Variants in ZGRF1 observed in about 807,000 individuals in gnomAD.
The protein encoded by ZGRF1 is zinc finger GRF-type containing 1.
A neutral mutation model predicts 203.5 loss-of-function variants in ZGRF1; 196 were observed. The ratio of observed to expected loss-of-function variants is 0.96; its 90% CI spans 0.86 to 1.08. The LOEUF (loss-of-function observed/expected upper bound fraction) is 1.08. Among genes scored for constraint, ZGRF1 ranks in the 50% least tolerant of loss-of-function variants. The pLI is 0.00. For missense variants in ZGRF1, 2,326 were observed against 2,416.3 expected, an observed-to-expected ratio of 0.96 and a Z score of 0.78; for synonymous variants, 809 against 841.3, an observed-to-expected ratio of 0.96 and a Z score of 0.66.
intron 27 of ZGRF1, 27 bp downstream of exon 27, chr4:112,539,836 C>A: frequency 6.2e-7 from 1 of 1,609,532 alleles, no homozygotes; most frequent in Non-Finnish European, 8.5e-7. Context: ...ACTTGAAATG[C>A]ATGAATTAAA....
chr4:112,600,009 A>G (rs1749682877), intron 10 of ZGRF1, among the ~76,000 whole-genome samples: 1 of 152,188 alleles, frequency 6.6e-6, no homozygotes, highest in African/African-American at 2.4e-5. Flanking sequence ...GTACAAGATA[A>G]TATGAGAGAA....
In ZGRF1 at chr4:112,619,972, T is replaced by C. The variant is rs781324575; in HGVS notation, c.351+30A>G. ...TCGAGACAATTTTATAAATATATTT[T>C]GATATATTATTTTCCATAGCAAAAC... On this transcript the variant is annotated intron_variant, in intron 5 of 27. Coordinates refer to ENST00000505019, the MANE Select transcript of ZGRF1 (RefSeq NM_018392.5). The C allele has an allele frequency of 6.8e-6, 10 of 1,473,610 alleles. No individual in the cohort carries two copies. The East Asian group carries it at 1.2e-4, about 18-fold the overall frequency. 91.3% of individuals were successfully genotyped at this position (1,473,610 alleles called of 1,614,324 possible). A position where few individuals can be genotyped will look rare whatever the true frequency, so the allele number is the denominator to read the frequency against.
chr4:112,560,288 A>C (rs1741717819), intron 19 of ZGRF1, among the ~76,000 whole-genome samples: 1 of 152,222 alleles, frequency 6.6e-6, no homozygotes, highest in Admixed American at 6.5e-5. Context: ...CAGGATATTG[A>C]AAGCAGTTTC....
intron 24 of ZGRF1, among the ~76,000 whole-genome samples, chr4:112,546,346 A>C (rs1434667548): frequency 6.6e-6 from 1 of 152,230 alleles, no homozygotes; most frequent in East Asian, 1.9e-4. Context: ...GTGGTTACAC[A>C]AGAAACTGTG....
At position 112,569,752 on chromosome 4, in the gene ZGRF1, G is replaced by A. The variant is rs115717198; in HGVS notation, c.4439-6478C>T. Among the ~76,000 whole-genome samples the A allele has an allele frequency of 5.3e-3, 798 of 151,864 alleles. 2 individuals are homozygous for A. Among genetic ancestry groups the A allele is most frequent in the Non-Finnish European group, 8.9e-3 (605 of 67,982 alleles). On this transcript the variant is annotated intron_variant, in intron 16 of 27. Transcript: ENST00000505019. ...AATTACTATAATAAATTCAACTATC[G>A]GGCTTATTCTATTTACAAGTCACGT...
At chr4:112,586,376 T>G in intron 13 of ZGRF1, 69 bp downstream of exon 13, 1 of 1,234,580 alleles carries the variant, frequency 8.1e-7, no homozygotes, top group Non-Finnish European at 1.1e-6. Flanking sequence ...TATAATGTAT[T>G]AAATTCTCAC....
chr4:112,625,118 T>A (rs2047188791), intron 3 of ZGRF1, among the ~76,000 whole-genome samples: 1 of 152,044 alleles, frequency 6.6e-6, no homozygotes, highest in Non-Finnish European at 1.5e-5. Flanking sequence ...CAAGACTCTA[T>A]CTCTAAAAAA....
At chr4:112,592,096 C>CTTT (rs961223953) in intron 10 of ZGRF1, among the ~76,000 whole-genome samples, 15 of 128,564 alleles carry the variant, frequency 1.2e-4, no homozygotes, top group Non-Finnish European at 1.5e-4. Context: ...CTCATTCATT[C>CTTT]TTTTTTTTTT....
chr4:112,618,620 T>A lies in ZGRF1; in HGVS notation c.1422A>T (p.Gln474His). 6.2e-7 allele frequency: 1 copy of A among 1,613,496 alleles called. No individual in the cohort carries two copies. Among genetic ancestry groups the A allele is most frequent in the Non-Finnish European group, 8.5e-7 (1 of 1,179,668 alleles). ...TCGTLEKEYE[Q>H]SESSLPELKH... Reference sequence around the variant, plus strand: ...TCAGTTCTGGCAGAGATGACTCTGATTGTTCATACTCCTTTTCCAGTGTTC... The same window carrying A: ...TCAGTTCTGGCAGAGATGACTCTGAATGTTCATACTCCTTTTCCAGTGTTC... The change falls in exon 6 of 28, where the codon CAA becomes CAT. Residue 474 changes from glutamine to histidine, a missense_variant. Coordinates refer to ENST00000505019, the MANE Select transcript of ZGRF1 (RefSeq NM_018392.5).
intron 22 of ZGRF1, among the ~76,000 whole-genome samples, chr4:112,551,007 G>A (rs1739847372): frequency 6.6e-6 from 1 of 152,102 alleles, no homozygotes; most frequent in South Asian, 2.1e-4. Context: ...CTATTAAAAA[G>A]CTATAGTATA....
intron 22 of ZGRF1, among the ~76,000 whole-genome samples, chr4:112,548,921 C>T (rs1321424127): frequency 3.5e-5 from 1 of 28,734 alleles, no homozygotes; most frequent in Non-Finnish European, 6.6e-5. Flanking sequence ...GAGACCATCC[C>T]GGCTAAAACG....
At chr4:112,599,900 G>A (rs1024455834) in intron 10 of ZGRF1, among the ~76,000 whole-genome samples, 3 of 152,070 alleles carry the variant, frequency 2.0e-5, no homozygotes, top group Non-Finnish European at 4.4e-5. Flanking sequence ...ATATTCATAT[G>A]GAGAAAACAT....
intron 3 of ZGRF1, among the ~76,000 whole-genome samples, chr4:112,631,407 C>G (rs746849931): frequency 1.3e-5 from 2 of 152,080 alleles, no homozygotes; most frequent in African/African-American, 2.4e-5. Context: ...CAGTGGCTCA[C>G]TCCTGTAATC....
intron 10 of ZGRF1, among the ~76,000 whole-genome samples, chr4:112,599,846 GAAGAA>G (rs1749657164): frequency 1.3e-5 from 2 of 152,264 alleles, no homozygotes; most frequent in East Asian, 1.9e-4. Context: ...GCAAAGGAAT[GAAGAA>G]AAGATAGCTT....
At chr4:112,547,694 G>T (rs1024761107) in intron 23 of ZGRF1, among the ~76,000 whole-genome samples, 1 of 152,066 alleles carries the variant, frequency 6.6e-6, no homozygotes, top group African/African-American at 2.4e-5. Flanking sequence ...GGGAAATGCT[G>T]GTTTTTAGAA....
At chr4:112,599,962 T>C (rs2149081249) in intron 10 of ZGRF1, among the ~76,000 whole-genome samples, 1 of 152,288 alleles carries the variant, frequency 6.6e-6, no homozygotes, top group South Asian at 2.1e-4. Flanking sequence ...ACAGGTAAAC[T>C]GTAGATCAAA....
At chr4:112,619,841 T>C (rs2047006839) in intron 5 of ZGRF1, 151 bp from the exon 6 acceptor site, 1 of 926,860 alleles carries the variant, frequency 1.1e-6, no homozygotes, top group Non-Finnish European at 1.6e-6. Flanking sequence ...AGTACATTCA[T>C]TTGTAATAAG....
In ZGRF1 at chr4:112,563,170, G is replaced by A; in HGVS notation, c.4543C>T (p.Pro1515Ser). The change falls in exon 17 of 28, where the codon CCT (proline) becomes TCT (serine). Residue 1515 changes from proline to serine, a missense_variant. By Grantham distance (74) the Pro-to-Ser change is moderately conservative. Coordinates refer to ENST00000505019, the MANE Select transcript of ZGRF1 (RefSeq NM_018392.5). ...TTAGAAGGGAAATAGCCTTTCAAAG[G>A]CAGTATTTCTATCTCATTGATAGAT... ...PSSINEIEIL[P>S]LKGYFPSNWP... 1.9e-6 allele frequency: 3 copies of A among 1,549,924 alleles called. No individual in the cohort carries two copies. Among genetic ancestry groups the A allele is most frequent in the South Asian group, 1.2e-5 (1 of 83,976 alleles).
chr4:112,617,140 GTTTT>G (rs1426492454), intron 6 of ZGRF1, among the ~76,000 whole-genome samples: 1 of 152,004 alleles, frequency 6.6e-6, no homozygotes, highest in Non-Finnish European at 1.5e-5. Context: ...ATATATGTAC[GTTTT>G]TTGACATATA....
Sources: gnomAD v4.1 joint callset for allele counts (sites outside exome capture counted in the v4.1 genomes callset) on GRCh38, gnomAD v4.1.1 for gene constraint, MANE v1.5 for transcripts, NCBI Gene and HGNC (gene_info 2026-07-23, HGNC 2026-07-21) for gene names.